MYZAP: variants seen among roughly 807,000 people sequenced by gnomAD.
The protein encoded by MYZAP is myocardial zonula adherens protein, also known as GRINL1A complex locus upstream.
A neutral mutation model predicts 69.4 loss-of-function variants in MYZAP; 66 were observed. That is an observed-to-expected ratio of 0.95 (90% CI 0.78 to 1.17). The LOEUF (loss-of-function observed/expected upper bound fraction) is 1.17, where lower values mean the gene tolerates loss of function less well. MYZAP is among the 50% of genes most tolerant of loss of function. The pLI, the probability that MYZAP is intolerant of heterozygous loss-of-function variation, is 0.00. For synonymous variants in MYZAP, 256 were observed against 205.9 expected, an observed-to-expected ratio of 1.24 and a Z score of -2.09; for missense variants, 611 against 556.2, an observed-to-expected ratio of 1.10 and a Z score of -0.99.
intron 2 of MYZAP, among the ~76,000 whole-genome samples, chr15:57,608,921 T>A (rs2034929860): frequency 1.3e-5 from 2 of 152,200 alleles, no homozygotes; most frequent in Non-Finnish European, 2.9e-5. Flanking sequence ...GTCTTCCCTG[T>A]CCTTGAAGGC....
intron 10 of MYZAP, among the ~76,000 whole-genome samples, chr15:57,648,784 G>GTTTTTTTTT (rs34784139): frequency 7.3e-6 from 1 of 136,306 alleles, no homozygotes; most frequent in African/African-American, 2.7e-5. Flanking sequence ...ACTTGTTTCT[G>GTTTTTTTTT]TTTTTTTTTT....
rs1327131679 is a variant in MYZAP at position 57,621,601 on chromosome 15, G to A, written c.319-7G>A. ...TGATCTCTAACTAGTATCTTTGTGG[G>A]CTACAGGTGAGAGCCACTTTGGAAA... On this transcript the variant is annotated splice_polypyrimidine_tract_variant and splice_region_variant and intron_variant, in intron 3 of 12. Coordinates refer to ENST00000267853, the MANE Select transcript of MYZAP (RefSeq NM_001018100.5). 1 of 1,611,874 alleles carries A rather than the reference G, an allele frequency of 6.2e-7. No homozygotes were observed. Among genetic ancestry groups the A allele is most frequent in the Admixed American group, 1.7e-5 (1 of 59,860 alleles).
Position 57,624,025 on chromosome 15 carries a change from G to A in MYZAP, c.412-1754G>A, listed in dbSNP as rs185043316. ...AACTAACAACTGTTTCTAATTGGGA[G>A]GCAGGGTGGTAACTGAGCAGGGTGG... On this transcript the variant is annotated intron_variant, in intron 4 of 12. Transcript: ENST00000267853. 1.5e-3 allele frequency among the ~76,000 whole-genome samples: 234 copies of A among 152,258 alleles called. 1 individual carries two copies. Among genetic ancestry groups the A allele is most frequent in the African/African-American group, 5.1e-3 (213 of 41,556 alleles).
chr15:57,642,874 G>A (rs2037239498), intron 10 of MYZAP, among the ~76,000 whole-genome samples: 1 of 152,168 alleles, frequency 6.6e-6, no homozygotes, highest in African/African-American at 2.4e-5. Flanking sequence ...GTACTATGTA[G>A]GAAGGGCTCA....
At chr15:57,665,789 A>G (rs1466935969) in intron 11 of MYZAP, among the ~76,000 whole-genome samples, 4 of 152,316 alleles carry the variant, frequency 2.6e-5, no homozygotes, top group African/African-American at 9.6e-5. Flanking sequence ...AGAAATTGAC[A>G]TATGTCACAA....
chr15:57,628,351 C>T (rs539333372), intron 5 of MYZAP, among the ~76,000 whole-genome samples: 2 of 152,182 alleles, frequency 1.3e-5, no homozygotes, highest in African/African-American at 4.8e-5. Flanking sequence ...TTCACTGCAG[C>T]CTTGACCTCC....
chr15:57,668,216 T>A lies in MYZAP; in HGVS notation c.1203+6683T>A, dbSNP rs2733605. Among the ~76,000 whole-genome samples the A allele has an allele frequency of 3.2e-4, 49 of 152,260 alleles. No homozygotes were observed. In the Middle Eastern group the frequency reaches 0.014, roughly 42 times the overall value. On this transcript the variant is annotated intron_variant, in intron 11 of 12. Transcript: ENST00000267853. Reference sequence around the variant, plus strand: ...AATACATTTGAGTTGTTTCCAGCTCTGGGCTATTGTGAATAAAGCTGCAGT... The same window carrying A: ...AATACATTTGAGTTGTTTCCAGCTCAGGGCTATTGTGAATAAAGCTGCAGT...
chr15:57,616,822 C>CCTTT (rs769228385), intron 2 of MYZAP, among the ~76,000 whole-genome samples: 7 of 50,064 alleles, frequency 1.4e-4, no homozygotes, highest in African/African-American at 4.8e-4. Flanking sequence ...AAAAAAAGTG[C>CCTTT]TTTTTTTTTT....
chr15:57,604,146 A>G (rs895389220), intron 1 of MYZAP, 123 bp from the exon 2 acceptor site: 8 of 1,016,754 alleles, frequency 7.9e-6, no homozygotes, highest in South Asian at 1.6e-5. Context: ...TGGCTCCTGT[A>G]TGATCAGGAC....
At chr15:57,654,362 G>A (rs1490172385) in intron 10 of MYZAP, among the ~76,000 whole-genome samples, 1 of 152,022 alleles carries the variant, frequency 6.6e-6, no homozygotes, top group Non-Finnish European at 1.5e-5. Flanking sequence ...GTAAGAGGGG[G>A]CAGGAGGGGG....
At chr15:57,611,040 C>T (rs571583587) in intron 2 of MYZAP, among the ~76,000 whole-genome samples, 1 of 152,202 alleles carries the variant, frequency 6.6e-6, no homozygotes, top group South Asian at 2.1e-4. Flanking sequence ...AGTAGGAACC[C>T]ATATACTCAA....
Position 57,617,897 on chromosome 15 carries a change from G to C in MYZAP, c.163-136G>C, listed in dbSNP as rs2035572501. ...TGAACAGAGACTAGATGGGATTTTT[G>C]CTCCCTCCATCTCCACTGCCAGGCA... On this transcript the variant is annotated intron_variant, in intron 2 of 12. Transcript: ENST00000267853. 3.3e-6 allele frequency: 4 copies of C among 1,225,398 alleles called. No individual in the cohort carries two copies. The East Asian group carries it at 1.1e-4, about 32-fold the overall frequency. 75.9% of individuals were successfully genotyped at this position (1,225,398 alleles called of 1,614,324 possible). A position where few individuals can be genotyped will look rare whatever the true frequency, so the allele number is the denominator to read the frequency against.
intron 1 of MYZAP, among the ~76,000 whole-genome samples, chr15:57,593,399 C>A (rs2033852772): frequency 6.6e-6 from 1 of 152,070 alleles, no homozygotes; most frequent in Non-Finnish European, 1.5e-5. Context: ...ACAATTGCAA[C>A]TGAGAAAGAA....
chr15:57,595,947 G>C (rs148214439), intron 1 of MYZAP, among the ~76,000 whole-genome samples: 1 of 152,192 alleles, frequency 6.6e-6, no homozygotes, highest in African/African-American at 2.4e-5. Context: ...AGTTGTGAGG[G>C]TTTGGAACCA....
intron 2 of MYZAP, among the ~76,000 whole-genome samples, chr15:57,606,555 C>T (rs906041461): frequency 7.8e-6 from 1 of 127,630 alleles, no homozygotes; most frequent in Admixed American, 1.0e-4. Context: ...GGAAGGGGAA[C>T]GTCACACTCT....
At chr15:57,619,013 G>T (rs1739455863) in intron 3 of MYZAP, among the ~76,000 whole-genome samples, 1 of 152,166 alleles carries the variant, frequency 6.6e-6, no homozygotes, top group Non-Finnish European at 1.5e-5. Context: ...CTCCAGCTCT[G>T]TGTCTGGCCC....
chr15:57,611,627 T>C (rs779540284), intron 2 of MYZAP, among the ~76,000 whole-genome samples: 1 of 152,150 alleles, frequency 6.6e-6, no homozygotes, highest in Non-Finnish European at 1.5e-5. Flanking sequence ...GGCTAGAAGC[T>C]TTCCTTTTCC....
intron 1 of MYZAP, among the ~76,000 whole-genome samples, chr15:57,600,241 A>G (rs1025535164): frequency 2.6e-5 from 4 of 152,216 alleles, no homozygotes; most frequent in Non-Finnish European, 5.9e-5. Context: ...CCAGTCCATC[A>G]GTGGGTCAGT....
chr15:57,678,548 A>G (rs1386376222), intron 12 of MYZAP, among the ~76,000 whole-genome samples: 8 of 152,170 alleles, frequency 5.3e-5, no homozygotes, highest in Non-Finnish European at 8.8e-5. Context: ...TTAACTTTTT[A>G]TTGGTGGTAA....
Sources: allele counts gnomAD v4.1 joint callset (sites outside exome capture counted in the v4.1 genomes callset), GRCh38; gene constraint gnomAD v4.1.1; transcripts MANE v1.5; gene names NCBI Gene and HGNC (gene_info 2026-07-23, HGNC 2026-07-21).